Variants in BEST3 observed in about 807,000 individuals in gnomAD.
BEST3 encodes the protein bestrophin-3.
A neutral mutation model predicts 47.1 loss-of-function variants in BEST3; 50 were observed. The ratio of observed to expected loss-of-function variants is 1.06; its 90% CI spans 0.85 to 1.34. The LOEUF (loss-of-function observed/expected upper bound fraction) is 1.34, where lower values mean the gene tolerates loss of function less well. BEST3 is among the 40% of genes most tolerant of loss of function. BEST3 has a pLI of 0.00. For missense variants in BEST3, 765 were observed against 817.0 expected (o/e 0.94, Z 0.78); for synonymous variants, 282 against 298.8 (o/e 0.94, Z 0.58).
At chr12:69,659,541 T>TG (rs1209344624) in intron 9 of BEST3, among the ~76,000 whole-genome samples, 2 of 151,984 alleles carry the variant, frequency 1.3e-5, no homozygotes, top group Non-Finnish European at 2.9e-5. Flanking sequence ...TTGGTAGAGA[T>TG]GGGGTCTCCC....
chr12:69,666,378 C>A (rs1884221097), intron 9 of BEST3, among the ~76,000 whole-genome samples: 1 of 152,158 alleles, frequency 6.6e-6, no homozygotes, highest in Admixed American at 6.6e-5. Flanking sequence ...GGCAATTTGA[C>A]CTTCTTACTT....
At chr12:69,650,099 T>A (rs1239009161), downstream of BEST3, among the ~76,000 whole-genome samples, 2 of 152,022 alleles carry the variant, frequency 1.3e-5, no homozygotes, top group African/African-American at 4.8e-5. Flanking sequence ...GCAAATGTGG[T>A]TTTTGGGTCT....
At chr12:69,699,184 A>AG in intron 1 of BEST3, 21 bp downstream of exon 1, 1 of 980,284 alleles carries the variant, frequency 1.0e-6, no homozygotes, top group South Asian at 4.7e-5. Flanking sequence ...TAAAATGCAT[A>AG]GGTTTACTCT....
chr12:69,680,877 A>C (rs1432817320), intron 4 of BEST3, among the ~76,000 whole-genome samples: 1 of 152,172 alleles, frequency 6.6e-6, no homozygotes, highest in Non-Finnish European at 1.5e-5. Context: ...AAGATTTAAA[A>C]AATTAATATA....
chr12:69,667,780 T>G (rs758993337), intron 9 of BEST3, among the ~76,000 whole-genome samples: 1 of 152,100 alleles, frequency 6.6e-6, no homozygotes, highest in Non-Finnish European at 1.5e-5. Flanking sequence ...GCTTGGGAGG[T>G]GTTTTTTTCT....
chr12:69,667,002 A>T (rs546595488), intron 9 of BEST3, among the ~76,000 whole-genome samples: 2 of 152,174 alleles, frequency 1.3e-5, no homozygotes, highest in Admixed American at 6.5e-5. Flanking sequence ...ATCCTCAGCT[A>T]TCTGTCTTTC....
chr12:69,662,296 T>G (rs899452345), intron 9 of BEST3, among the ~76,000 whole-genome samples: 1 of 152,210 alleles, frequency 6.6e-6, no homozygotes, highest in South Asian at 2.1e-4. Context: ...TGGTAGTTTG[T>G]AATATAAGCA....
At chr12:69,679,529 G>A (rs1592356271) in intron 4 of BEST3, among the ~76,000 whole-genome samples, 1 of 152,162 alleles carries the variant, frequency 6.6e-6, no homozygotes, top group Non-Finnish European at 1.5e-5. Flanking sequence ...GTATATTAAT[G>A]TTCATCGTCC....
At chr12:69,657,950 A>G (rs1278576370) in intron 9 of BEST3, among the ~76,000 whole-genome samples, 1 of 151,988 alleles carries the variant, frequency 6.6e-6, no homozygotes, top group Non-Finnish European at 1.5e-5. Flanking sequence ...AGAAATGCAG[A>G]CTCATGCTTC....
At chr12:69,684,622 T>A (rs1163746342) in intron 4 of BEST3, 1 of 658,346 alleles carries the variant, frequency 1.5e-6, no homozygotes. Flanking sequence ...AAAGAGAGAG[T>A]TGTGTATTCA....
intron 4 of BEST3, among the ~76,000 whole-genome samples, chr12:69,679,253 G>C (rs956482673): frequency 6.6e-6 from 1 of 152,306 alleles, no homozygotes; most frequent in African/African-American, 2.4e-5. Flanking sequence ...GAATTGTTAC[G>C]ATTAAAATAA....
At chr12:69,697,616 G>T (rs977724580) in intron 2 of BEST3, 31 bp downstream of exon 2, 13 of 1,494,214 alleles carry the variant, frequency 8.7e-6, no homozygotes, top group Non-Finnish European at 1.2e-5. Flanking sequence ...ATATCTGATG[G>T]CCATTTAAGG....
intron 7 of BEST3, 89 bp downstream of exon 7, chr12:69,676,827 A>G: frequency 7.3e-7 from 1 of 1,374,814 alleles, no homozygotes; most frequent in Non-Finnish European, 1.0e-6. Flanking sequence ...CTCACTCATG[A>G]ATGATTTGCT....
downstream of BEST3, among the ~76,000 whole-genome samples, chr12:69,652,186 A>G (rs1883231830): frequency 6.6e-6 from 1 of 152,182 alleles, no homozygotes; most frequent in South Asian, 2.1e-4. Context: ...GAACGCAACA[A>G]ATAGAGCTTG....
exon 10 of BEST3, chr12:69,643,661 G>C: frequency 1.6e-6 from 1 of 636,706 alleles, no homozygotes; most frequent in Non-Finnish European, 2.9e-6. Flanking sequence ...TAGGAGCCAA[G>C]TTGTTTTGAA....
intron 5 of BEST3, 62 bp downstream of exon 5, chr12:69,678,676 TA>T: frequency 6.6e-7 from 1 of 1,516,792 alleles, no homozygotes. Flanking sequence ...TCTAACGTGT[TA>T]TATCCAGGTC....
intron 9 of BEST3, among the ~76,000 whole-genome samples, chr12:69,669,472 AT>A (rs989591958): frequency 7.9e-5 from 12 of 152,082 alleles, no homozygotes; most frequent in African/African-American, 2.9e-4. Context: ...ACAACTGATA[AT>A]TTTTTGCTGC....
chr12:69,659,727 T>A (rs868737711), intron 9 of BEST3, among the ~76,000 whole-genome samples: 5 of 152,134 alleles, frequency 3.3e-5, no homozygotes, highest in Admixed American at 6.5e-5. Flanking sequence ...TTTTTTTTTT[T>A]ATGCTCCTTA....
intron 4 of BEST3, among the ~76,000 whole-genome samples, chr12:69,682,722 G>A (rs913077618): frequency 6.6e-6 from 1 of 152,100 alleles, no homozygotes; most frequent in South Asian, 2.1e-4. Flanking sequence ...GTCTACTGGC[G>A]CATGCCACTA....
Sources: allele counts gnomAD v4.1 joint callset (sites outside exome capture counted in the v4.1 genomes callset), GRCh38; gene constraint gnomAD v4.1.1; transcripts MANE v1.5; gene names NCBI Gene and HGNC (gene_info 2026-07-23, HGNC 2026-07-21).